OPA3: variants seen among roughly 807,000 people sequenced by gnomAD.
OPA3 encodes the protein optic atrophy 3 protein.
Under a neutral mutation model 4.0 loss-of-function variants are expected in OPA3, and 6 were observed. The observed-to-expected ratio is 1.51, with a 90% CI of 0.83 to 2.99. The LOEUF is 2.99. Among genes scored for constraint, OPA3 ranks in the 30% most tolerant of loss-of-function variants. The pLI is 0.00. For synonymous variants in OPA3, 105 were observed against 117.1 expected, an observed-to-expected ratio of 0.90 and a Z score of 0.67; for missense variants, 235 against 256.2, an observed-to-expected ratio of 0.92 and a Z score of 0.56.
intron 1 of OPA3, among the ~76,000 whole-genome samples, chr19:45,539,931 T>C (rs766513961): frequency 1.3e-5 from 2 of 152,068 alleles, no homozygotes; most frequent in Non-Finnish European, 2.9e-5. Flanking sequence ...TGAGGGATCT[T>C]TTGGAGATGA....
chr19:45,561,982 A>T (rs1969509621), intron 1 of OPA3, among the ~76,000 whole-genome samples: 1 of 151,766 alleles, frequency 6.6e-6, no homozygotes, highest in Non-Finnish European at 1.5e-5. Flanking sequence ...AAATAAAAAT[A>T]AAAAAATGAA....
chr19:45,579,989 C>CT (rs869294945), intron 1 of OPA3, among the ~76,000 whole-genome samples: 34 of 121,110 alleles, frequency 2.8e-4, no homozygotes, highest in East Asian at 8.5e-4. Flanking sequence ...CATTTTCTTT[C>CT]TTTTTTTTTT....
intron 1 of OPA3, among the ~76,000 whole-genome samples, chr19:45,556,406 G>C (rs543990432): frequency 1.0e-3 from 152 of 152,134 alleles, no homozygotes; most frequent in Non-Finnish European, 1.5e-3. Flanking sequence ...GTCCAGGATG[G>C]AAGGCAGCGG....
At chr19:45,531,385 C>T (rs1969060113) in intron 1 of OPA3, among the ~76,000 whole-genome samples, 1 of 152,142 alleles carries the variant, frequency 6.6e-6, no homozygotes, top group Admixed American at 6.6e-5. Flanking sequence ...GATTCTCAAA[C>T]TAACTATGTG....
chr19:45,555,097 G>T (rs1969400855), intron 1 of OPA3, among the ~76,000 whole-genome samples: 1 of 152,154 alleles, frequency 6.6e-6, no homozygotes, highest in Non-Finnish European at 1.5e-5. Context: ...TCCAAAAGAT[G>T]AACATTTTAA....
At chr19:45,560,278 T>A (rs777548611) in intron 1 of OPA3, among the ~76,000 whole-genome samples, 4 of 152,102 alleles carry the variant, frequency 2.6e-5, no homozygotes, top group Admixed American at 6.6e-5. Context: ...GGATCCTCTA[T>A]CTGAGCTCTG....
chr19:45,571,300 T>C (rs989726968), intron 1 of OPA3, among the ~76,000 whole-genome samples: 11 of 136,982 alleles, frequency 8.0e-5, no homozygotes, highest in South Asian at 2.6e-4. Flanking sequence ...TGCGCCACCA[T>C]GCCCAGCTAA....
chr19:45,545,174 A>C (rs1156678626), downstream of OPA3, among the ~76,000 whole-genome samples: 1 of 148,798 alleles, frequency 6.7e-6, no homozygotes, highest in East Asian at 2.0e-4. Flanking sequence ...CAAAAAAAAA[A>C]AAAACAAAAA....
At chr19:45,544,512 C>T (rs868787586), downstream of OPA3, among the ~76,000 whole-genome samples, 17 of 147,562 alleles carry the variant, frequency 1.2e-4, no homozygotes, top group African/African-American at 4.0e-4. Flanking sequence ...ATACAAAATT[C>T]GGCTGGGCAC....
intron 1 of OPA3, among the ~76,000 whole-genome samples, chr19:45,558,053 G>C (rs1381831383): frequency 1.3e-5 from 2 of 152,192 alleles, no homozygotes; most frequent in African/African-American, 4.8e-5. Context: ...GAACAAACTG[G>C]CTGGGCGCGG....
chr19:45,584,685 A>G lies in OPA3; in HGVS notation c.80T>C (p.Ile27Thr). The change falls in exon 1 of 2, where the codon ATT becomes ACT. Residue 27 changes from isoleucine to threonine, a missense_variant. Transcript: ENST00000263275. ...RQVSKPLANR[I>T]KEAARRSEFF... is the part of the protein sequence containing the mutation. The stretch of plus-strand genomic sequence containing the variant: ...CTCGCTTCGGCGGGCGGCCTCCTTA[A>G]TACGGTTGGCAAGCGGCTTGCTGAC... The G allele has an allele frequency of 6.2e-7, 1 of 1,614,198 alleles. No homozygotes were observed. The highest frequency in any genetic ancestry group is 1.1e-5 in the South Asian group (1 of 91,080).
chr19:45,529,362 C>G, exon 2 of OPA3: 1 of 1,614,226 alleles, frequency 6.2e-7, no homozygotes, highest in Non-Finnish European at 8.5e-7. Flanking sequence ...GCTCCGCGCC[C>G]AGCTCGGCGG....
rs371018047 is a variant in OPA3 at position 45,534,547 on chromosome 19, C to G, written c.143-5091G>C. Among the ~76,000 whole-genome samples the G allele has an allele frequency of 2.0e-4, 10 of 50,646 alleles. No individual in the cohort carries two copies. The East Asian group carries it at 5.2e-3, about 26-fold the overall frequency. The allele number at this position is 50,646 out of a possible 152,430, so 33.2% of individuals were successfully genotyped here. On this transcript the variant is annotated intron_variant, in intron 1 of 1. Coordinates refer to the OPA3 transcript ENST00000323060. ...TCACACTCCAGCCTGGTGACAAGAG[C>G]AAAACTCTGTCCCAAAAAAAAAAAA...
At chr19:45,557,744 C>CT (rs1969442595) in intron 1 of OPA3, among the ~76,000 whole-genome samples, 1 of 152,196 alleles carries the variant, frequency 6.6e-6, no homozygotes, top group Admixed American at 6.6e-5. Flanking sequence ...TACAGCCTGT[C>CT]TATCCCCTTC....
Position 45,551,864 on chromosome 19 carries a change from T to C in OPA3, c.*1650A>G. On this transcript the variant is annotated 3_prime_UTR_variant, in exon 2 of 2. Coordinates refer to ENST00000263275, the MANE Select transcript of OPA3 (RefSeq NM_025136.4). ...GGAGACACGGATGGAAGATGAAGGA[T>C]GTGACAATTGAATCCATGGGCTTGG... 1.0e-6 allele frequency: 1 copy of C among 985,424 alleles called. No homozygotes were observed. The highest frequency in any genetic ancestry group is 1.2e-6 in the Non-Finnish European group (1 of 829,988). The allele number at this position is 985,424 out of a possible 1,614,324, so 61.0% of individuals were successfully genotyped here. A position where few individuals can be genotyped will look rare whatever the true frequency, so the allele number is the denominator to read the frequency against.
At chr19:45,572,549 T>TC (rs1969693693) in intron 1 of OPA3, among the ~76,000 whole-genome samples, 2 of 111,170 alleles carry the variant, frequency 1.8e-5, no homozygotes, top group Admixed American at 1.0e-4. Context: ...ATGATATATA[T>TC]ATCATATATG....
In OPA3 at chr19:45,548,105, T is replaced by C. The variant is rs919289268; in HGVS notation, c.*5409A>G. On this transcript the variant is annotated 3_prime_UTR_variant, in exon 2 of 2. Coordinates refer to ENST00000263275, the MANE Select transcript of OPA3 (RefSeq NM_025136.4). ...GCTACTAGAATGGAGCCTGGTGCAG[T>C]TGATCCTCAGTACACTCAGAGTTGC... 4 of 985,286 alleles carry C rather than the reference T, an allele frequency of 4.1e-6. No homozygotes were observed. Among genetic ancestry groups the C allele is most frequent in the Admixed American group, 6.2e-5 (1 of 16,226 alleles). The allele number at this position is 985,286 out of a possible 1,614,324, so 61.0% of individuals were successfully genotyped here. A position where few individuals can be genotyped will look rare whatever the true frequency, so the allele number is the denominator to read the frequency against.
At chr19:45,558,068 T>A (rs914077376) in intron 1 of OPA3, among the ~76,000 whole-genome samples, 1 of 152,138 alleles carries the variant, frequency 6.6e-6, no homozygotes, top group Non-Finnish European at 1.5e-5. Context: ...GCGCGGTAGC[T>A]CAGGCCTTTA....
At chr19:45,540,185 C>T (rs892287322) in intron 1 of OPA3, among the ~76,000 whole-genome samples, 6 of 151,796 alleles carry the variant, frequency 4.0e-5, no homozygotes, top group East Asian at 1.9e-4. Flanking sequence ...GGTGTGGTGG[C>T]GTGCACCTGT....
Sources: allele counts gnomAD v4.1 joint callset (sites outside exome capture counted in the v4.1 genomes callset), GRCh38; gene constraint gnomAD v4.1.1; transcripts MANE v1.5; gene names NCBI Gene and HGNC (gene_info 2026-07-23, HGNC 2026-07-21).